Variants in SPATA31H1 observed in about 807,000 individuals in gnomAD.
SPATA31H1 encodes the protein SPATA31 subfamily H member 1, also known as spermatogenesis-associated protein 31H1.
the SPATA31H1 span, among the ~76,000 whole-genome samples, chr2:27,548,171 C>T: frequency 1.9e-4 from 29 of 151,524 alleles, 1 homozygote; most frequent in African/African-American, 6.6e-4. Flanking sequence ...TTAGTAGAGA[C>T]GGGGTTTCAC....
At chr2:27,570,157 A>G in the SPATA31H1 span, 1 of 398,900 alleles carries the variant, frequency 2.5e-6, no homozygotes, top group Non-Finnish European at 4.4e-6. Context: ...GGTTTCAAAC[A>G]TATGCAGTTG....
chr2:27,576,507 T>C, the SPATA31H1 span: 1 of 1,263,250 alleles, frequency 7.9e-7, no homozygotes. Flanking sequence ...GACATCATGC[T>C]TTGGGTCACA....
the SPATA31H1 span, among the ~76,000 whole-genome samples, chr2:27,549,072 CA>C: frequency 0.05 from 2,659 of 53,342 alleles, 13 homozygotes; most frequent in African/African-American, 0.085. Context: ...GACTCCGTCT[CA>C]AAAAAAAAAA....
At chr2:27,553,205 G>A in the SPATA31H1 span, among the ~76,000 whole-genome samples, 1 of 152,094 alleles carries the variant, frequency 6.6e-6, no homozygotes, top group Non-Finnish European at 1.5e-5. Context: ...TTGAAACTGA[G>A]GTGGCAGCCC....
At chr2:27,580,465 G>C in the SPATA31H1 span, 1 of 1,614,136 alleles carries the variant, frequency 6.2e-7, no homozygotes, top group Non-Finnish European at 8.5e-7. Flanking sequence ...AAGCGACTTA[G>C]AAAACACAGA....
the SPATA31H1 span, among the ~76,000 whole-genome samples, chr2:27,551,457 T>A: frequency 6.6e-6 from 1 of 152,050 alleles, no homozygotes; most frequent in South Asian, 2.1e-4. Flanking sequence ...TTATTCTTTA[T>A]TATAACAAAC....
the SPATA31H1 span, chr2:27,581,918 T>G: frequency 6.2e-7 from 1 of 1,611,524 alleles, no homozygotes. Context: ...AGAGAAGACA[T>G]CACAGTCCCT....
At chr2:27,539,731 T>C in the SPATA31H1 span, among the ~76,000 whole-genome samples, 11 of 55,404 alleles carry the variant, frequency 2.0e-4, no homozygotes, top group South Asian at 6.5e-4. Context: ...ATGGGGCGGC[T>C]GGCCGGGCGG....
the SPATA31H1 span, among the ~76,000 whole-genome samples, chr2:27,554,423 T>C: frequency 6.6e-6 from 1 of 152,006 alleles, no homozygotes; most frequent in African/African-American, 2.4e-5. Flanking sequence ...CAGAAACTTT[T>C]TTCTCACAGC....
chr2:27,578,393 A>C, the SPATA31H1 span: 1 of 1,614,172 alleles, frequency 6.2e-7, no homozygotes, highest in Non-Finnish European at 8.5e-7. Flanking sequence ...AGGAGTTAGC[A>C]CCAGGACCAA....
the SPATA31H1 span, chr2:27,570,590 C>A: frequency 2.5e-6 from 1 of 398,818 alleles, no homozygotes. Context: ...TACAAGATGT[C>A]AAATGTTTTG....
At chr2:27,580,262 C>G in the SPATA31H1 span, 1 of 1,614,170 alleles carries the variant, frequency 6.2e-7, no homozygotes, top group Admixed American at 1.7e-5. Flanking sequence ...CTGTACAAGT[C>G]TACATCAGGC....
the SPATA31H1 span, chr2:27,537,533 G>A: frequency 3.6e-5 from 26 of 717,128 alleles, no homozygotes; most frequent in Admixed American, 1.6e-4. Context: ...TCCAGGAATC[G>A]GAGCTGGAAG....
chr2:27,539,571 C>T, the SPATA31H1 span, among the ~76,000 whole-genome samples: 91 of 117,504 alleles, frequency 7.7e-4, 1 homozygote, highest in African/African-American at 2.9e-3. Context: ...CCACTCTTCC[C>T]GCCTTTCTAT....
At chr2:27,542,492 GGACAGATATAGAATATTTGATATATTT>G in the SPATA31H1 span, among the ~76,000 whole-genome samples, 9 of 152,100 alleles carry the variant, frequency 5.9e-5, no homozygotes, top group Non-Finnish European at 4.4e-5. Flanking sequence ...ATATTGGATA[GGACAGATATAGAATATTTGATATATTT>G]GACAGATATA....
chr2:27,556,545 TG>T, the SPATA31H1 span, among the ~76,000 whole-genome samples: 4 of 151,664 alleles, frequency 2.6e-5, no homozygotes, highest in Non-Finnish European at 5.9e-5. Flanking sequence ...TTTCTTCAGT[TG>T]TGTCTAATCT....
At chr2:27,538,799 C>G in the SPATA31H1 span, among the ~76,000 whole-genome samples, 1 of 151,954 alleles carries the variant, frequency 6.6e-6, no homozygotes, top group African/African-American at 2.4e-5. Context: ...CCATTGCACT[C>G]CAGCCTGGGT....
At chr2:27,539,005 G>A in the SPATA31H1 span, among the ~76,000 whole-genome samples, 1 of 151,924 alleles carries the variant, frequency 6.6e-6, no homozygotes. Context: ...GTTTGGATGT[G>A]GAAGGTGTTG....
the SPATA31H1 span, among the ~76,000 whole-genome samples, chr2:27,548,581 T>G: frequency 6.7e-6 from 1 of 148,628 alleles, no homozygotes. Context: ...GCACTCCAGC[T>G]TGGGTGACGG....
Sources: allele counts gnomAD v4.1 joint callset (sites outside exome capture counted in the v4.1 genomes callset), GRCh38; gene constraint gnomAD v4.1.1; transcripts MANE v1.5; gene names NCBI Gene and HGNC (gene_info 2026-07-23, HGNC 2026-07-21).